The following PTPRT variants were observed in gnomAD, a reference collection of about 807,000 sequenced individuals.
PTPRT encodes protein tyrosine phosphatase receptor type T.
A neutral mutation model predicts 176.8 loss-of-function variants in PTPRT; 56 were observed. The observed-to-expected ratio is 0.32, with a 90% CI of 0.26 to 0.40. PTPRT has a LOEUF of 0.40. Ranked by LOEUF, PTPRT falls within the 10% of genes least tolerant of loss-of-function variation. PTPRT has a pLI of 1.00. For missense variants in PTPRT, 1,540 were observed against 1,908.2 expected, an observed-to-expected ratio of 0.81 and a Z score of 3.60; for synonymous variants, 783 against 739.0, an observed-to-expected ratio of 1.06 and a Z score of -0.96.
chr20:42,761,783 T>C (rs984130199), intron 5 of PTPRT, among the ~76,000 whole-genome samples: 1 of 152,182 alleles, frequency 6.6e-6, no homozygotes, highest in Non-Finnish European at 1.5e-5. Flanking sequence ...ATGCTGCTGG[T>C]CCATGAACCT....
intron 12 of PTPRT, among the ~76,000 whole-genome samples, chr20:42,310,821 A>G (rs531200644): frequency 1.3e-5 from 2 of 152,334 alleles, no homozygotes; most frequent in Admixed American, 1.3e-4. Context: ...TATCTGTAAG[A>G]AGGCATCAAT....
chr20:42,042,722 C>T, the PTPRT span, among the ~76,000 whole-genome samples: 1 of 152,240 alleles, frequency 6.6e-6, no homozygotes, highest in Admixed American at 6.5e-5. Context: ...TTCACTCACT[C>T]ACTCACCAGC....
chr20:42,150,551 A>G (rs1490438414), intron 17 of PTPRT, among the ~76,000 whole-genome samples: 1 of 152,156 alleles, frequency 6.6e-6, no homozygotes, highest in African/African-American at 2.4e-5. Flanking sequence ...AGGAGGCACC[A>G]TTTTACCTGG....
chr20:42,123,131 T>C (rs1987670638), intron 19 of PTPRT, among the ~76,000 whole-genome samples: 1 of 152,152 alleles, frequency 6.6e-6, no homozygotes, highest in African/African-American at 2.4e-5. Context: ...ATGAATGTTT[T>C]TGAGCTGAAG....
intron 2 of PTPRT, among the ~76,000 whole-genome samples, chr20:42,809,114 C>A (rs2077657688): frequency 6.6e-6 from 1 of 152,190 alleles, no homozygotes; most frequent in Non-Finnish European, 1.5e-5. Flanking sequence ...GATGTGGCTG[C>A]AGCAAGGAGA....
At chr20:42,805,117 G>A (rs928811073) in intron 2 of PTPRT, among the ~76,000 whole-genome samples, 5 of 152,184 alleles carry the variant, frequency 3.3e-5, no homozygotes, top group African/African-American at 1.2e-4. Flanking sequence ...TTTAGAGGGA[G>A]CATGGGAAAA....
intron 4 of PTPRT, among the ~76,000 whole-genome samples, chr20:42,771,999 T>TG (rs1180619353): frequency 6.6e-6 from 1 of 152,052 alleles, no homozygotes; most frequent in Non-Finnish European, 1.5e-5. Context: ...AAAGAAAAAT[T>TG]GGGGGGCAGG....
At chr20:42,801,540 C>T (rs971892493) in intron 2 of PTPRT, among the ~76,000 whole-genome samples, 2 of 152,182 alleles carry the variant, frequency 1.3e-5, no homozygotes, top group Admixed American at 6.5e-5. Context: ...ATTATTTGTG[C>T]ACCTACTATG....
chr20:42,919,210 G>A (rs73910623), intron 1 of PTPRT, among the ~76,000 whole-genome samples: 4,615 of 152,252 alleles, frequency 0.03, 151 homozygotes, highest in African/African-American at 0.083. Context: ...TATTTGGTCG[G>A]GCAGCTGGGA....
rs1264011993 is a variant in PTPRT at position 42,855,491 on chromosome 20, G to A, written c.214+30316C>T. On this transcript the variant is annotated intron_variant, in intron 2 of 30. Transcript: ENST00000373187. The stretch of plus-strand genomic sequence containing the variant: ...ACTCCACCCAGGCTGGAGTGCTGTG[G>A]TACAATCTCGGCTCACTGCAACCTC... 3.4e-5 allele frequency among the ~76,000 whole-genome samples: 5 copies of A among 146,560 alleles called. No individual in the cohort carries two copies. The Admixed American group carries it at 3.4e-4, about 10-fold the overall frequency.
intron 7 of PTPRT, among the ~76,000 whole-genome samples, chr20:42,665,981 T>C (rs1052968482): frequency 3.3e-5 from 5 of 149,626 alleles, no homozygotes; most frequent in African/African-American, 7.3e-5. Context: ...TTAGGAGATA[T>C]ACCTAATGTT....
chr20:42,120,116 G>A (rs962707422), intron 19 of PTPRT, 145 bp from the exon 20 acceptor site: 1 of 654,430 alleles, frequency 1.5e-6, no homozygotes, highest in Non-Finnish European at 2.5e-6. Context: ...AGTGGCAAAG[G>A]TTAAATGAGA....
In PTPRT at chr20:42,780,255, G is replaced by A. The variant is rs763840973; in HGVS notation, c.531C>T (p.Ile177=). Residue 177 remains isoleucine (I), a synonymous_variant, in exon 4 of 31, where the codon ATC becomes ATT. Transcript: ENST00000373187. ...CAAGGACCCGGACCTCGTCCACGGC[G>A]ATGTAGCCAGGATGACCCTTCAATG... ...SVSLKGHPGY[I]AVDEVRVLAH... 4.6e-5 allele frequency: 75 copies of A among 1,613,946 alleles called. No homozygotes were observed. In the East Asian group the frequency reaches 9.6e-4, roughly 21 times the overall value.
intron 11 of PTPRT, among the ~76,000 whole-genome samples, chr20:42,337,768 A>G (rs6030154): frequency 5.3e-5 from 8 of 152,338 alleles, no homozygotes; most frequent in African/African-American, 1.4e-4. Context: ...AAACTTTGAG[A>G]ATTACTGTCT....
At chr20:42,741,591 C>T (rs6093727) in intron 6 of PTPRT, among the ~76,000 whole-genome samples, 47 of 152,228 alleles carry the variant, frequency 3.1e-4, no homozygotes, top group African/African-American at 1.1e-3. Context: ...GGTGATCCAC[C>T]TGACTCGGCT....
intron 1 of PTPRT, among the ~76,000 whole-genome samples, chr20:43,115,400 C>A (rs77530706): frequency 6.6e-6 from 1 of 152,182 alleles, no homozygotes; most frequent in Non-Finnish European, 1.5e-5. Flanking sequence ...CATCAAGAAA[C>A]GTTCTCTGGG....
intron 7 of PTPRT, among the ~76,000 whole-genome samples, chr20:42,613,936 T>A (rs530624697): frequency 7.1e-6 from 1 of 141,056 alleles, no homozygotes; most frequent in Admixed American, 7.9e-5. Flanking sequence ...AAAATATACA[T>A]CCCTTGTGTA....
At chr20:42,343,027 T>C (rs1009460499) in intron 11 of PTPRT, among the ~76,000 whole-genome samples, 1 of 152,158 alleles carries the variant, frequency 6.6e-6, no homozygotes, top group African/African-American at 2.4e-5. Context: ...CTTCTAGGGT[T>C]CCATCTTTCA....
the PTPRT span, among the ~76,000 whole-genome samples, chr20:42,051,026 C>T: frequency 9.7e-4 from 148 of 152,242 alleles, 4 homozygotes; most frequent in Admixed American, 1.2e-3. Flanking sequence ...GCTCATGTAG[C>T]TGCTGTAAAT....
Sources: allele counts gnomAD v4.1 joint callset (sites outside exome capture counted in the v4.1 genomes callset), GRCh38; gene constraint gnomAD v4.1.1; transcripts MANE v1.5; gene names NCBI Gene and HGNC (gene_info 2026-07-23, HGNC 2026-07-21).